RBFOX1: variants seen among roughly 807,000 people sequenced by gnomAD.
RBFOX1 encodes RNA binding protein fox-1 homolog 1.
A neutral mutation model predicts 57.7 loss-of-function variants in RBFOX1; 8 were observed. That is an observed-to-expected ratio of 0.14 (90% CI 0.08 to 0.25). RBFOX1 has a LOEUF of 0.25. Ranked by LOEUF, RBFOX1 falls within the 10% of genes least tolerant of loss-of-function variation. The pLI, the probability that RBFOX1 is intolerant of heterozygous loss-of-function variation, is 1.00. For synonymous variants in RBFOX1, 326 were observed against 222.4 expected, an observed-to-expected ratio of 1.47 and a Z score of -4.15; for missense variants, 611 against 548.5, an observed-to-expected ratio of 1.11 and a Z score of -1.14.
chr16:7,306,379 G>T (rs1374102700), intron 4 of RBFOX1, among the ~76,000 whole-genome samples: 3 of 152,154 alleles, frequency 2.0e-5, no homozygotes, highest in Admixed American at 1.3e-4. Flanking sequence ...CTGGAAAGGG[G>T]AGGCTTGAAG....
At chr16:6,582,027 G>A (rs979928181) in intron 2 of RBFOX1, among the ~76,000 whole-genome samples, 2 of 152,130 alleles carry the variant, frequency 1.3e-5, no homozygotes, top group East Asian at 3.9e-4. Context: ...GAAAAGCCAG[G>A]GGTGCTGTAC....
chr16:7,087,985 T>C, intron 4 of RBFOX1, among the ~76,000 whole-genome samples: 1 of 152,204 alleles, frequency 6.6e-6, no homozygotes. Context: ...GCATTTTGTG[T>C]AAGGTGATTA....
chr16:5,849,267 C>T (rs1295687804), intron 3 of RBFOX1, among the ~76,000 whole-genome samples: 1 of 151,990 alleles, frequency 6.6e-6, no homozygotes, highest in East Asian at 1.9e-4. Flanking sequence ...GATGGAGTGC[C>T]CTGATTTTAG....
In RBFOX1 at chr16:5,275,464, G is replaced by A. The variant is rs575538278; in HGVS notation, c.219+35359G>A. On this transcript the variant is annotated intron_variant, in intron 1 of 2. Coordinates refer to the RBFOX1 transcript ENST00000585867. ...ATAGCTGTAAAAATAAAATACTTAG[G>A]AATATACCTAACCAAGGAGGTGAAA... 3.9e-5 allele frequency among the ~76,000 whole-genome samples: 6 copies of A among 152,106 alleles called. No individual in the cohort carries two copies. The South Asian group carries it at 1.0e-3, about 26-fold the overall frequency.
chr16:5,435,522 T>C (rs1347905980), intron 1 of RBFOX1, among the ~76,000 whole-genome samples: 1 of 152,162 alleles, frequency 6.6e-6, no homozygotes, highest in Non-Finnish European at 1.5e-5. Context: ...TGGGTCAGTG[T>C]CTTCAGTAAA....
intron 2 of RBFOX1, among the ~76,000 whole-genome samples, chr16:5,486,958 G>C (rs968750633): frequency 2.0e-5 from 3 of 152,106 alleles, no homozygotes; most frequent in Non-Finnish European, 4.4e-5. Context: ...GCTCACCTCA[G>C]TGGAGACTCC....
intron 2 of RBFOX1, among the ~76,000 whole-genome samples, chr16:6,540,248 T>C (rs1414145955): frequency 6.6e-6 from 1 of 152,042 alleles, no homozygotes; most frequent in Non-Finnish European, 1.5e-5. Flanking sequence ...CCTTAGAATT[T>C]GTGCAATTCT....
intron 4 of RBFOX1, among the ~76,000 whole-genome samples, chr16:7,472,314 A>G (rs1190260950): frequency 7.2e-6 from 1 of 139,674 alleles, no homozygotes; most frequent in Non-Finnish European, 1.5e-5. Context: ...CCAAATTACC[A>G]AATAGTAATT....
At chr16:7,126,130 T>TAA (rs1600262584) in intron 4 of RBFOX1, among the ~76,000 whole-genome samples, 1 of 152,178 alleles carries the variant, frequency 6.6e-6, no homozygotes, top group East Asian at 1.9e-4. Flanking sequence ...GAATGAGCTT[T>TAA]CTTCCCCATG....
intron 1 of RBFOX1, among the ~76,000 whole-genome samples, chr16:5,269,304 A>T (rs1191133247): frequency 6.6e-6 from 1 of 152,212 alleles, no homozygotes; most frequent in East Asian, 1.9e-4. Context: ...CTGATGATGA[A>T]TTTCATTGAG....
intron 2 of RBFOX1, among the ~76,000 whole-genome samples, chr16:6,567,636 G>A (rs570318871): frequency 6.6e-6 from 1 of 152,062 alleles, no homozygotes; most frequent in African/African-American, 2.4e-5. Context: ...TCATTTCAGC[G>A]CCACATCCCA....
At chr16:6,577,824 A>C (rs1199445777) in intron 2 of RBFOX1, among the ~76,000 whole-genome samples, 5 of 152,184 alleles carry the variant, frequency 3.3e-5, no homozygotes, top group Non-Finnish European at 7.4e-5. Context: ...GCTCAGGAAA[A>C]AAATAAACCA....
rs938889445 is a variant in RBFOX1 at position 6,808,065 on chromosome 16, C to G, written c.-16+153415C>G. Among the ~76,000 whole-genome samples, 3 of 147,870 alleles carry G rather than the reference C, an allele frequency of 2.0e-5. No homozygotes were observed. The South Asian group carries it at 6.4e-4, about 32-fold the overall frequency. On this transcript the variant is annotated intron_variant, in intron 3 of 15. Coordinates refer to ENST00000550418, the MANE Select transcript of RBFOX1 (RefSeq NM_018723.4). Reference sequence around the variant, plus strand: ...ATATATACTATCCTATACAATAGAACTATATATATATAATCATACTCAATA... The same window carrying G: ...ATATATACTATCCTATACAATAGAAGTATATATATATAATCATACTCAATA...
At chr16:5,490,972 A>T (rs924773903) in intron 2 of RBFOX1, among the ~76,000 whole-genome samples, 1 of 151,468 alleles carries the variant, frequency 6.6e-6, no homozygotes, top group African/African-American at 2.5e-5. Flanking sequence ...ATTTATTTAT[A>T]TATTTTTTTC....
chr16:7,250,313 C>A (rs559470248), intron 4 of RBFOX1, among the ~76,000 whole-genome samples: 143 of 152,196 alleles, frequency 9.4e-4, no homozygotes, highest in Middle Eastern at 3.4e-3. Flanking sequence ...TTCCTGGGAG[C>A]GTGGGATGCT....
chr16:5,806,026 A>G (rs1168376173), intron 3 of RBFOX1, among the ~76,000 whole-genome samples: 2 of 152,140 alleles, frequency 1.3e-5, no homozygotes, highest in East Asian at 1.9e-4. Flanking sequence ...AGGAGCTCAC[A>G]TTCCCATTGG....
intron 2 of RBFOX1, among the ~76,000 whole-genome samples, chr16:6,505,737 C>G (rs951203161): frequency 6.6e-6 from 1 of 152,140 alleles, no homozygotes; most frequent in African/African-American, 2.4e-5. Context: ...ACTCAAGAGT[C>G]TAATGAAGGA....
intron 1 of RBFOX1, among the ~76,000 whole-genome samples, chr16:6,271,814 C>T (rs79222921): frequency 0.015 from 2,238 of 152,184 alleles, 46 homozygotes; most frequent in South Asian, 0.046. Flanking sequence ...GTTTAAACCT[C>T]CTAAAAAATA....
At chr16:6,608,975 C>A (rs1370760157) in intron 2 of RBFOX1, among the ~76,000 whole-genome samples, 1 of 152,182 alleles carries the variant, frequency 6.6e-6, no homozygotes, top group Non-Finnish European at 1.5e-5. Flanking sequence ...TCAAAGCCAG[C>A]CATGGCCAGG....
Sources: gnomAD v4.1 joint callset for allele counts (sites outside exome capture counted in the v4.1 genomes callset) on GRCh38, gnomAD v4.1.1 for gene constraint, MANE v1.5 for transcripts, NCBI Gene and HGNC (gene_info 2026-07-23, HGNC 2026-07-21) for gene names.